The following ARFGEF1 variants were observed in gnomAD, a reference collection of about 807,000 sequenced individuals.
ARFGEF1 encodes brefeldin A-inhibited guanine nucleotide-exchange protein 1.
A neutral mutation model predicts 231.0 loss-of-function variants in ARFGEF1; 42 were observed. The ratio of observed to expected loss-of-function variants is 0.18; its 90% CI spans 0.14 to 0.24. The LOEUF (loss-of-function observed/expected upper bound fraction) is 0.24, where lower values mean the gene tolerates loss of function less well. Among genes scored for constraint, ARFGEF1 ranks in the 10% least tolerant of loss-of-function variants. ARFGEF1 has a pLI of 1.00. For synonymous variants in ARFGEF1, 710 were observed against 732.3 expected, an observed-to-expected ratio of 0.97 and a Z score of 0.49; for missense variants, 1,345 against 2,192.0, an observed-to-expected ratio of 0.61 and a Z score of 7.72.
At chr8:67,294,546 A>G (rs1366686449) in intron 5 of ARFGEF1, among the ~76,000 whole-genome samples, 1 of 152,212 alleles carries the variant, frequency 6.6e-6, no homozygotes, top group Non-Finnish European at 1.5e-5. Flanking sequence ...TTCTAAAACT[A>G]ATGGGTATAA....
chr8:67,292,034 T>C lies in ARFGEF1; in HGVS notation c.729A>G (p.Ser243=). 1 of 1,613,986 alleles carries C rather than the reference T, an allele frequency of 6.2e-7. No individual in the cohort carries two copies. The highest frequency in any genetic ancestry group is 2.2e-5 in the East Asian group (1 of 44,874). The change falls in exon 6 of 39, where the codon TCA becomes TCG. Residue 243 remains serine, a synonymous_variant. Transcript: ENST00000262215. ...QSPVSHHEPE[S]PQLRYLPPQT... is the part of the protein sequence containing the mutation. ...GAGGTGGCAAATATCTAAGTTGAGGTGATTCAGGCTCGTGATGGCTTACTG... is the reference window on the plus strand; with the variant it reads ...GAGGTGGCAAATATCTAAGTTGAGGCGATTCAGGCTCGTGATGGCTTACTG...
At chr8:67,334,292 A>C (rs978392114) in intron 1 of ARFGEF1, among the ~76,000 whole-genome samples, 3 of 151,898 alleles carry the variant, frequency 2.0e-5, no homozygotes, top group Non-Finnish European at 2.9e-5. Flanking sequence ...TCCAAAAAAA[A>C]AAAAAAAAAC....
At chr8:67,311,204 C>A (rs1443371225) in intron 1 of ARFGEF1, among the ~76,000 whole-genome samples, 5 of 145,836 alleles carry the variant, frequency 3.4e-5, no homozygotes, top group Non-Finnish European at 7.6e-5. Context: ...AGGAGCCCCT[C>A]TGCCTGGCCA....
chr8:67,211,345 CAAAAAAAAAA>C (rs375793043), intron 34 of ARFGEF1, 128 bp downstream of exon 34: 64 of 247,332 alleles, frequency 2.6e-4, no homozygotes, highest in Non-Finnish European at 3.6e-4. Flanking sequence ...AACTCCGTCT[CAAAAAAAAAA>C]AAAAAAAAAA....
At chr8:67,331,571 C>T (rs939701000) in intron 1 of ARFGEF1, among the ~76,000 whole-genome samples, 11 of 152,074 alleles carry the variant, frequency 7.2e-5, no homozygotes, top group Non-Finnish European at 1.6e-4. Flanking sequence ...ATAAGCCACC[C>T]AGTTTACAGT....
At position 67,266,091 on chromosome 8, in the gene ARFGEF1, T is replaced by A. The variant is rs1288952096; in HGVS notation, c.2038A>T (p.Ser680Cys). Reference sequence around the variant, plus strand: ...TTATCAGTGCCAGACATCTGTGTACTGTAGCTGCCTATTCCTGATGATGAT... The same window carrying A: ...TTATCAGTGCCAGACATCTGTGTACAGTAGCTGCCTATTCCTGATGATGAT... ...STSSSGIGSY[S>C]TQMSGTDNPE... Residue 680 changes from serine to cysteine, a missense_variant, in exon 14 of 39, where the codon AGT (serine) becomes TGT (cysteine). Ser to Cys is a moderately radical substitution (Grantham distance 112). Coordinates refer to ENST00000262215, the MANE Select transcript of ARFGEF1 (RefSeq NM_006421.5). The A allele has an allele frequency of 1.2e-6, 2 of 1,613,928 alleles. No homozygotes were observed. The highest frequency in any genetic ancestry group is 1.7e-6 in the Non-Finnish European group (2 of 1,179,838).
rs1586825590 is a variant in ARFGEF1 at position 67,183,594 on chromosome 8, T to C, written c.561-8022A>G. On this transcript the variant is annotated intron_variant, in intron 5 of 5. Transcript: ENST00000518789. Reference sequence around the variant, plus strand: ...TATGAAAATACATTTTAAAATACTTTGATCTAAATGAAAATGAAAATACAA... The same window carrying C: ...TATGAAAATACATTTTAAAATACTTCGATCTAAATGAAAATGAAAATACAA... Among the ~76,000 whole-genome samples the C allele has an allele frequency of 2.0e-5, 3 of 152,172 alleles. No individual in the cohort carries two copies. In the East Asian group the frequency reaches 5.8e-4, roughly 29 times the overall value.
intron 14 of ARFGEF1, among the ~76,000 whole-genome samples, chr8:67,264,763 C>T (rs1804780268): frequency 6.6e-6 from 1 of 152,124 alleles, no homozygotes; most frequent in African/African-American, 2.4e-5. Flanking sequence ...GGGAGACTTC[C>T]ACTTCGAAGC....
chr8:67,319,380 TAG>T (rs1031210676), intron 1 of ARFGEF1, among the ~76,000 whole-genome samples: 23 of 151,954 alleles, frequency 1.5e-4, no homozygotes, highest in Admixed American at 9.2e-4. Flanking sequence ...ATCAATGGAA[TAG>T]AGTCCAGACA....
At chr8:67,225,076 C>A in intron 28 of ARFGEF1, 43 bp from the exon 29 acceptor site, 7 of 1,518,214 alleles carry the variant, frequency 4.6e-6, no homozygotes, top group Non-Finnish European at 6.2e-6. Context: ...AAACATAACA[C>A]CCATACATTC....
At chr8:67,296,674 T>C in intron 4 of ARFGEF1, 64 bp from the exon 5 acceptor site, 2 of 1,296,748 alleles carry the variant, frequency 1.5e-6, no homozygotes, top group Middle Eastern at 2.6e-4. Context: ...TTGGAGACAG[T>C]CTTTCTCGCT....
chr8:67,315,938 C>A (rs1807291355), intron 1 of ARFGEF1, among the ~76,000 whole-genome samples: 1 of 151,498 alleles, frequency 6.6e-6, no homozygotes, highest in Admixed American at 6.6e-5. Context: ...ACAGAATAAA[C>A]CCAAAGCAAG....
At chr8:67,302,998 G>A (rs1354761266) in intron 1 of ARFGEF1, among the ~76,000 whole-genome samples, 1 of 151,906 alleles carries the variant, frequency 6.6e-6, no homozygotes, top group Admixed American at 6.6e-5. Flanking sequence ...AGGGGGTTGA[G>A]GTGGGAGGGT....
intron 7 of ARFGEF1, among the ~76,000 whole-genome samples, chr8:67,279,696 C>T (rs1805458090): frequency 6.6e-6 from 1 of 152,176 alleles, no homozygotes; most frequent in African/African-American, 2.4e-5. Context: ...GAAATCTTCA[C>T]TTTATCACTT....
intron 18 of ARFGEF1, among the ~76,000 whole-genome samples, chr8:67,252,982 C>T (rs764949855): frequency 6.6e-5 from 10 of 151,310 alleles, no homozygotes; most frequent in Non-Finnish European, 7.4e-5. Context: ...GGTCTAACTA[C>T]TCTTTATGAC....
rs113006996 is a variant in ARFGEF1 at position 67,269,276 on chromosome 8, A to G, written c.1573-1834T>C. 1.9e-3 allele frequency among the ~76,000 whole-genome samples: 296 copies of G among 152,170 alleles called. 3 individuals are homozygous for G. Among genetic ancestry groups the G allele is most frequent in the African/African-American group, 6.8e-3 (281 of 41,516 alleles). ...TGAAGTGAATATTCTCATAAAATGA[A>G]TCTTCATGTAAAAACAATCTTAATT... On this transcript the variant is annotated intron_variant, in intron 10 of 38. Coordinates refer to ENST00000262215, the MANE Select transcript of ARFGEF1 (RefSeq NM_006421.5).
intron 18 of ARFGEF1, among the ~76,000 whole-genome samples, chr8:67,252,485 AG>A (rs1433349710): frequency 6.6e-6 from 1 of 152,084 alleles, no homozygotes; most frequent in Non-Finnish European, 1.5e-5. Context: ...ACAGAAAAAG[AG>A]GAATATGAGG....
intron 1 of ARFGEF1, among the ~76,000 whole-genome samples, chr8:67,341,015 A>G (rs781240136): frequency 1.2e-4 from 19 of 152,296 alleles, no homozygotes; most frequent in Non-Finnish European, 2.8e-4. Context: ...ATGGCACATT[A>G]GAGGAGATGT....
In ARFGEF1 at chr8:67,203,141, A is replaced by G. The variant is rs1305967385; in HGVS notation, c.5070T>C (p.His1690=). 5 of 1,614,046 alleles carry G rather than the reference A, an allele frequency of 3.1e-6. No individual in the cohort carries two copies. Among genetic ancestry groups the G allele is most frequent in the Middle Eastern group, 1.6e-4 (1 of 6,084 alleles). ...TGGAATTAAACGCTTTTGCAAATCT[A>G]TGTGACTCTAATAAGCAGTCCAGTA... ...FKLLDCLLES[H]RFAKAFNSNN... Residue 1690 remains histidine, a synonymous_variant, in exon 36 of 39, where the codon CAT becomes CAC. Transcript: ENST00000262215.
Sources: allele counts gnomAD v4.1 joint callset (sites outside exome capture counted in the v4.1 genomes callset), GRCh38; gene constraint gnomAD v4.1.1; transcripts MANE v1.5; gene names NCBI Gene and HGNC (gene_info 2026-07-23, HGNC 2026-07-21).